NUBPL: variants seen among roughly 807,000 people sequenced by gnomAD.
NUBPL encodes the protein iron-sulfur cluster transfer protein NUBPL.
Under a neutral mutation model 45.7 loss-of-function variants are expected in NUBPL, and 31 were observed. That is an observed-to-expected ratio of 0.68 (90% confidence interval 0.51 to 0.92). The LOEUF (loss-of-function observed/expected upper bound fraction) is 0.92, where lower values mean the gene tolerates loss of function less well. Ranked by LOEUF, NUBPL falls within the 40% of genes least tolerant of loss-of-function variation. The probability of loss-of-function intolerance (pLI) is 0.00; values close to 1 mark genes in which losing one functional copy is unlikely to be tolerated. For missense variants in NUBPL, 401 were observed against 398.7 expected, an observed-to-expected ratio of 1.01 and a Z score of -0.05; for synonymous variants, 144 against 140.9, an observed-to-expected ratio of 1.02 and a Z score of -0.15.
chr14:31,708,211 T>C (rs1046388624), intron 6 of NUBPL, among the ~76,000 whole-genome samples: 2 of 152,248 alleles, frequency 1.3e-5, no homozygotes, highest in Non-Finnish European at 2.9e-5. Context: ...TTGCAGGGAC[T>C]GCTGCATTTC....
At chr14:31,696,472 C>T (rs1595507348) in intron 6 of NUBPL, among the ~76,000 whole-genome samples, 1 of 152,232 alleles carries the variant, frequency 6.6e-6, no homozygotes, top group East Asian at 1.9e-4. Flanking sequence ...CGTTACATGG[C>T]CTTCTTCCTT....
At chr14:31,603,159 G>A (rs989546495) in intron 4 of NUBPL, among the ~76,000 whole-genome samples, 9 of 151,732 alleles carry the variant, frequency 5.9e-5, no homozygotes, top group Non-Finnish European at 1.0e-4. Flanking sequence ...AATTAGCTGG[G>A]CATGGTGGCT....
intron 6 of NUBPL, among the ~76,000 whole-genome samples, chr14:31,712,236 G>A (rs558492017): frequency 2.0e-5 from 3 of 152,290 alleles, no homozygotes; most frequent in East Asian, 1.9e-4. Flanking sequence ...GACACAGAGC[G>A]CTGATTGGTG....
intron 4 of NUBPL, 122 bp downstream of exon 4, chr14:31,599,501 T>G (rs2034370013): frequency 1.5e-6 from 1 of 686,014 alleles, no homozygotes; most frequent in South Asian, 1.8e-5. Context: ...AGTCCTCACT[T>G]AAGTTAGTAG....
chr14:31,664,103 C>T (rs961618166), intron 4 of NUBPL, among the ~76,000 whole-genome samples: 1 of 152,116 alleles, frequency 6.6e-6, no homozygotes, highest in African/African-American at 2.4e-5. Context: ...CTGAGACTTT[C>T]CTGAAGTTGC....
At chr14:31,836,950 G>A (rs1249281037) in intron 8 of NUBPL, among the ~76,000 whole-genome samples, 2 of 152,176 alleles carry the variant, frequency 1.3e-5, no homozygotes, top group Non-Finnish European at 2.9e-5. Context: ...AACCATAAAA[G>A]AAGATTATCA....
At chr14:31,657,770 T>C (rs1238044930) in intron 4 of NUBPL, among the ~76,000 whole-genome samples, 1 of 152,196 alleles carries the variant, frequency 6.6e-6, no homozygotes, top group East Asian at 1.9e-4. Context: ...TTACTACTCA[T>C]GGGTATGTAT....
intron 3 of NUBPL, among the ~76,000 whole-genome samples, chr14:31,565,825 T>C (rs2033421333): frequency 6.6e-6 from 1 of 152,082 alleles, no homozygotes; most frequent in South Asian, 2.1e-4. Flanking sequence ...TCCTAAAAGT[T>C]TGCTTGTAAA....
At chr14:31,728,725 A>G (rs912705760) in intron 6 of NUBPL, among the ~76,000 whole-genome samples, 2 of 152,200 alleles carry the variant, frequency 1.3e-5, no homozygotes, top group Middle Eastern at 3.2e-3. Context: ...ACAAGTGACT[A>G]ACTTGGTTGA....
intron 8 of NUBPL, among the ~76,000 whole-genome samples, chr14:31,830,782 T>G (rs1188956648): frequency 2.0e-5 from 3 of 152,196 alleles, no homozygotes; most frequent in Non-Finnish European, 2.9e-5. Context: ...TGGGATGTAA[T>G]GCCATCCACA....
intron 6 of NUBPL, among the ~76,000 whole-genome samples, chr14:31,684,071 A>T (rs2036898763): frequency 6.6e-6 from 1 of 152,170 alleles, no homozygotes; most frequent in Non-Finnish European, 1.5e-5. Flanking sequence ...TTACATCCAT[A>T]GCTCAATAGC....
chr14:31,639,485 G>A (rs1291158694), intron 4 of NUBPL, among the ~76,000 whole-genome samples: 2 of 152,174 alleles, frequency 1.3e-5, no homozygotes, highest in Non-Finnish European at 2.9e-5. Flanking sequence ...GTGTCAGTCT[G>A]CCCCTACTGG....
At chr14:31,774,313 G>A (rs2039061151) in intron 6 of NUBPL, among the ~76,000 whole-genome samples, 1 of 152,212 alleles carries the variant, frequency 6.6e-6, no homozygotes, top group Non-Finnish European at 1.5e-5. Flanking sequence ...GATAGAAACT[G>A]CTACTCTGGA....
intron 3 of NUBPL, among the ~76,000 whole-genome samples, chr14:31,589,158 A>G (rs551628499): frequency 2.0e-5 from 3 of 152,254 alleles, no homozygotes; most frequent in African/African-American, 7.2e-5. Flanking sequence ...AATTAATTCC[A>G]TATATATTAT....
chr14:31,620,005 T>A (rs1320085186), intron 4 of NUBPL, among the ~76,000 whole-genome samples: 1 of 151,966 alleles, frequency 6.6e-6, no homozygotes, highest in Non-Finnish European at 1.5e-5. Flanking sequence ...TTCACTAATC[T>A]TCTCTTCTTG....
chr14:31,759,574 G>C (rs2038752146), intron 6 of NUBPL, among the ~76,000 whole-genome samples: 1 of 151,800 alleles, frequency 6.6e-6, no homozygotes, highest in Non-Finnish European at 1.5e-5. Context: ...TTTCAAATCT[G>C]TTCTCATAGT....
At chr14:31,615,968 C>G (rs946652847) in intron 4 of NUBPL, among the ~76,000 whole-genome samples, 1 of 152,152 alleles carries the variant, frequency 6.6e-6, no homozygotes, top group African/African-American at 2.4e-5. Flanking sequence ...CGTTTCTTGA[C>G]TTTTAAATGA....
intron 8 of NUBPL, among the ~76,000 whole-genome samples, chr14:31,829,066 A>G (rs2040149502): frequency 6.6e-6 from 1 of 152,190 alleles, no homozygotes; most frequent in Admixed American, 6.5e-5. Context: ...GGGATCAGAA[A>G]GTTGATATTA....
rs115998186 is a variant in NUBPL, at chr14:31,628,310, A to T, written c.382+28931A>T. Among the ~76,000 whole-genome samples, 991 of 152,286 alleles carry T rather than the reference A, an allele frequency of 6.5e-3. 11 individuals carry two copies. Among genetic ancestry groups the T allele is most frequent in the African/African-American group, 0.022 (928 of 41,558 alleles). On this transcript the variant is annotated intron_variant, in intron 4 of 10. Coordinates refer to ENST00000281081, the MANE Select transcript of NUBPL (RefSeq NM_025152.3). ...TCTTATAGCCATGCATGATTTTATA[A>T]CATCATGTATTGCTCATTTAGAAAA...
Sources: gnomAD v4.1 joint callset for allele counts (sites outside exome capture counted in the v4.1 genomes callset) on GRCh38, gnomAD v4.1.1 for gene constraint, MANE v1.5 for transcripts, NCBI Gene and HGNC (gene_info 2026-07-23, HGNC 2026-07-21) for gene names.